The following TBX15 variants were observed in gnomAD, a reference collection of about 807,000 sequenced individuals.
The protein encoded by TBX15 is T-box transcription factor TBX15.
A neutral mutation model predicts 53.9 loss-of-function variants in TBX15; 18 were observed. That is an observed-to-expected ratio of 0.33 (90% CI 0.23 to 0.49). TBX15 has a LOEUF of 0.49. TBX15 is among the 20% of genes least tolerant of loss of function. The pLI, the probability that TBX15 is intolerant of heterozygous loss-of-function variation, is 0.98. For synonymous variants in TBX15, 295 were observed against 278.0 expected, an observed-to-expected ratio of 1.06 and a Z score of -0.61; for missense variants, 692 against 749.5, an observed-to-expected ratio of 0.92 and a Z score of 0.90.
At chr1:118,935,747 C>A (rs561195162) in intron 1 of TBX15, among the ~76,000 whole-genome samples, 1 of 152,310 alleles carries the variant, frequency 6.6e-6, no homozygotes, top group Non-Finnish European at 1.5e-5. Context: ...TAAGTTCCCA[C>A]AGAAAGTTGA....
chr1:118,956,031 C>T (rs1490917908), intron 1 of TBX15, among the ~76,000 whole-genome samples: 1 of 152,076 alleles, frequency 6.6e-6, no homozygotes, highest in Non-Finnish European at 1.5e-5. Flanking sequence ...AAAGAGGCCC[C>T]AGAAAGTGAC....
At position 118,923,569 on chromosome 1, in the gene TBX15, C is replaced by T. The variant is rs138218981; in HGVS notation, c.728G>A (p.Arg243Gln). The part of the protein sequence containing the change: ...ILHSMHKYQP[R>Q]VHVIRKDFSS... ...GAAGTCTTTGCGAATCACATGAACT[C>T]GAGGCTGGTATTTGTGCATAGAGTG... The change falls in exon 5 of 8, where the codon CGA becomes CAA. Residue 243 changes from arginine to glutamine, a missense_variant. This residue lies in a region of TBX15 where 307 missense variants were observed against 347.5 expected (regional missense o/e 0.88). Coordinates refer to ENST00000369429, the MANE Select transcript of TBX15 (RefSeq NM_001330677.2). The T allele has an allele frequency of 3.9e-5, 63 of 1,613,772 alleles. No individual in the cohort carries two copies. The highest frequency in any genetic ancestry group is 5.0e-5 in the Admixed American group (3 of 59,970).
At chr1:118,954,454 C>T (rs1656613646) in intron 1 of TBX15, among the ~76,000 whole-genome samples, 1 of 152,184 alleles carries the variant, frequency 6.6e-6, no homozygotes, top group Admixed American at 6.5e-5. Context: ...TGCTTGTCAA[C>T]TTGAGAGTGG....
chr1:118,921,792 A>G (rs1326624350), intron 5 of TBX15, among the ~76,000 whole-genome samples: 2 of 152,128 alleles, frequency 1.3e-5, no homozygotes, highest in African/African-American at 4.8e-5. Context: ...TTTTCTCTTT[A>G]CTATTTCACA....
intron 7 of TBX15, among the ~76,000 whole-genome samples, chr1:118,888,862 G>A (rs1654037646): frequency 6.6e-6 from 1 of 151,430 alleles, no homozygotes; most frequent in African/African-American, 2.4e-5. Flanking sequence ...GATGGCCCAA[G>A]ATGGAAGGAA....
chr1:118,929,712 G>A (rs10923699), intron 2 of TBX15, among the ~76,000 whole-genome samples: 1 of 152,010 alleles, frequency 6.6e-6, no homozygotes, highest in Non-Finnish European at 1.5e-5. Context: ...TCACAAGAAG[G>A]TTGTCAAGGA....
intron 1 of TBX15, among the ~76,000 whole-genome samples, chr1:118,969,796 T>C (rs1458346415): frequency 2.6e-5 from 4 of 152,244 alleles, no homozygotes; most frequent in African/African-American, 9.6e-5. Context: ...ATCATTTACA[T>C]ATTAAGTGCA....
At chr1:118,904,952 A>T (rs1235015137) in intron 6 of TBX15, among the ~76,000 whole-genome samples, 1 of 152,204 alleles carries the variant, frequency 6.6e-6, no homozygotes, top group Non-Finnish European at 1.5e-5. Flanking sequence ...TAAAATGGAG[A>T]TAATCATAAT....
Position 118,926,188 on chromosome 1 carries a change from T to G in TBX15, c.521+322A>C, listed in dbSNP as rs531207008. ...TTCCAAAATAAATCACCCCAATTTA[T>G]TTAGCATTTCACAAACCAAATTATT... On this transcript the variant is annotated intron_variant, in intron 3 of 7. Transcript: ENST00000369429. 1.1e-4 allele frequency among the ~76,000 whole-genome samples: 17 copies of G among 152,338 alleles called. No individual in the cohort carries two copies. The South Asian group carries it at 2.3e-3, about 20-fold the overall frequency.
intron 1 of TBX15, among the ~76,000 whole-genome samples, chr1:118,960,580 C>A (rs1045189245): frequency 6.6e-6 from 1 of 152,160 alleles, no homozygotes; most frequent in African/African-American, 2.4e-5. Context: ...GACCAGGAGG[C>A]CAAACTGGAC....
At chr1:118,984,249 G>C (rs911990828) in intron 1 of TBX15, among the ~76,000 whole-genome samples, 6 of 152,226 alleles carry the variant, frequency 3.9e-5, no homozygotes, top group African/African-American at 1.4e-4. Context: ...TGCCTGTCTA[G>C]GTGCCCACCC....
rs562324801 is a variant in TBX15, at chr1:118,949,845, A to G, written c.206-18013T>C. Among the ~76,000 whole-genome samples, 3 of 152,334 alleles carry G rather than the reference A, an allele frequency of 2.0e-5. No homozygotes were observed. In the East Asian group the frequency reaches 5.8e-4, roughly 29 times the overall value. ...AAACAATTTGAACCCATGACCCACT[A>G]TTCAGGTTGTCTCTGGATCTCTCAG... is the stretch of plus-strand genomic sequence containing the variant. On this transcript the variant is annotated intron_variant, in intron 1 of 7. Transcript: ENST00000369429.
Position 118,988,149 on chromosome 1 carries a change from CT to C in TBX15, c.-355del. The C allele has an allele frequency of 1.9e-4, 2 of 10,750 alleles. No homozygotes were observed. Among genetic ancestry groups the C allele is most frequent in the Non-Finnish European group, 2.5e-4 (1 of 3,938 alleles). 0.7% of individuals were successfully genotyped at this position (10,750 alleles called of 1,614,324 possible). ...TTTGTTATTATTATTATTCTCTCTC[CT>C]CTCTCTCTCTCTCTCTCTCTCCCCT... On this transcript the variant is annotated 5_prime_UTR_variant, in exon 1 of 8. Coordinates refer to ENST00000369429, the MANE Select transcript of TBX15 (RefSeq NM_001330677.2).
chr1:118,980,016 G>A lies in TBX15; in HGVS notation c.205+7575C>T, dbSNP rs537142082. The stretch of plus-strand genomic sequence containing the variant: ...CCGAGGGCGGGCAGACGCGGCCACG[G>A]CCTAATTCTGACTTCTGAAGGTCAC... On this transcript the variant is annotated intron_variant, in intron 1 of 7. Coordinates refer to ENST00000369429, the MANE Select transcript of TBX15 (RefSeq NM_001330677.2). Among the ~76,000 whole-genome samples, 29 of 152,360 alleles carry A rather than the reference G, an allele frequency of 1.9e-4. No homozygotes were observed. In the East Asian group the frequency reaches 4.6e-3, roughly 24 times the overall value.
At chr1:118,897,248 T>C (rs1448215931) in intron 7 of TBX15, among the ~76,000 whole-genome samples, 4 of 152,182 alleles carry the variant, frequency 2.6e-5, no homozygotes, top group African/African-American at 9.7e-5. Flanking sequence ...GTGGTTGTGC[T>C]CCAAGAAGAA....
chr1:118,923,300 G>T (rs564913175), intron 5 of TBX15, 136 bp downstream of exon 5: 9 of 1,119,366 alleles, frequency 8.0e-6, no homozygotes, highest in Admixed American at 2.0e-5. Flanking sequence ...CTCTAACACT[G>T]TATAGTACTT....
At chr1:118,897,496 A>G (rs1405982269) in intron 7 of TBX15, among the ~76,000 whole-genome samples, 8 of 152,236 alleles carry the variant, frequency 5.3e-5, no homozygotes, top group African/African-American at 1.7e-4. Flanking sequence ...CAATGAGTAA[A>G]GCAAGGGCAG....
At chr1:118,891,737 T>C (rs142411651) in intron 7 of TBX15, among the ~76,000 whole-genome samples, 2 of 152,302 alleles carry the variant, frequency 1.3e-5, no homozygotes, top group African/African-American at 4.8e-5. Context: ...GTTTATACCA[T>C]GGGGAAACTG....
intron 7 of TBX15, among the ~76,000 whole-genome samples, chr1:118,888,751 G>A (rs1304533956): frequency 6.6e-6 from 1 of 152,124 alleles, no homozygotes; most frequent in African/African-American, 2.4e-5. Context: ...ATGTCATACT[G>A]TCCTGTCACA....
Sources: gnomAD v4.1 joint callset for allele counts (sites outside exome capture counted in the v4.1 genomes callset) on GRCh38, gnomAD v4.1.1 for gene constraint, gnomAD v4.1.1 regional missense constraint, MANE v1.5 for transcripts, NCBI Gene and HGNC (gene_info 2026-07-23, HGNC 2026-07-21) for gene names.